Variants in COL4A3 observed in about 807,000 individuals in gnomAD.
The protein encoded by COL4A3 is collagen alpha-3(IV) chain.
Under a neutral mutation model 217.4 loss-of-function variants are expected in COL4A3, and 135 were observed. That is an observed-to-expected ratio of 0.62 (90% confidence interval 0.54 to 0.72). The LOEUF (loss-of-function observed/expected upper bound fraction) is 0.72. COL4A3 is among the 30% of genes least tolerant of loss of function. COL4A3 has a pLI of 0.00. For synonymous variants in COL4A3, 690 were observed against 736.3 expected (o/e 0.94, Z 1.02); for missense variants, 1,868 against 2,119.9 (o/e 0.88, Z 2.33).
chr2:227,241,047 G>A (rs2068989853), intron 3 of COL4A3, among the ~76,000 whole-genome samples: 1 of 151,944 alleles, frequency 6.6e-6, no homozygotes, highest in African/African-American at 2.4e-5. Flanking sequence ...TTCCTTTGTG[G>A]GTTTCTCTTT....
At chr2:227,273,868 T>C (rs576342251) in intron 26 of COL4A3, among the ~76,000 whole-genome samples, 1 of 152,102 alleles carries the variant, frequency 6.6e-6, no homozygotes, top group South Asian at 2.1e-4. Flanking sequence ...GATTCAGGAG[T>C]GTGGCTGAAG....
At chr2:227,303,746 C>A in intron 44 of COL4A3, 113 bp from the exon 45 acceptor site, 1 of 1,039,524 alleles carries the variant, frequency 9.6e-7, no homozygotes, top group Non-Finnish European at 1.5e-6. Context: ...ACCCATAGGA[C>A]AGAGCCTCCA....
intron 1 of COL4A3, chr2:227,221,125 G>A (rs1011084275): frequency 6.6e-6 from 1 of 152,172 alleles, no homozygotes; most frequent in African/African-American, 2.4e-5. Flanking sequence ...CCAGCACAAA[G>A]GAATTATCAA....
chr2:227,263,020 A>G (rs1329469960), intron 20 of COL4A3, among the ~76,000 whole-genome samples: 2 of 152,250 alleles, frequency 1.3e-5, no homozygotes, highest in Non-Finnish European at 2.9e-5. Flanking sequence ...TACACTACAC[A>G]TTTGATACAT....
rs2072861220 is a variant in COL4A3 at position 227,293,254 on chromosome 2, G to A, written c.3274G>A (p.Gly1092Arg). 1 of 1,613,772 alleles carries A rather than the reference G, an allele frequency of 6.2e-7. No homozygotes were observed. Among genetic ancestry groups the A allele is most frequent in the African/African-American group, 1.3e-5 (1 of 74,914 alleles). Residue 1092 changes from glycine to arginine, a missense_variant, in exon 38 of 52, where the codon GGA (glycine) becomes AGA (arginine). Gly to Arg is a moderately radical substitution (Grantham distance 125). Around this residue, in one of 2 missense-constraint regions of COL4A3, gnomAD observed 1,503 missense variants for 1,786.1 expected, o/e 0.84. Coordinates refer to ENST00000396578, the MANE Select transcript of COL4A3 (RefSeq NM_000091.5). ...AGAAATGGGGCAACCTGGCCCACCT[G>A]GACATTTGGGGCCTGCTGGACCTGA... ...KGEMGQPGPPGHLGPAGPEGA... is the reference protein window; with the variant it reads ...KGEMGQPGPPRHLGPAGPEGA...
In COL4A3 at chr2:227,256,040, A is replaced by G. The variant is rs948051529; in HGVS notation, c.903A>G (p.Lys301=). The G allele has an allele frequency of 6.2e-7, 1 of 1,613,966 alleles. No individual in the cohort carries two copies. The highest frequency in any genetic ancestry group is 1.3e-5 in the African/African-American group (1 of 75,046). The change falls in exon 16 of 52, where the codon AAA becomes AAG. Residue 301 remains lysine, a synonymous_variant. Transcript: ENST00000396578. The part of the protein sequence containing the change: ...GDPGLQGKPG[K]DGVPGFPGSE... ...TTTTGCTGTAGGGAAAACCCGGAAA[A>G]GATGGTGTTCCTGGCTTCCCTGGAA...
intron 1 of COL4A3, among the ~76,000 whole-genome samples, chr2:227,197,987 C>T (rs565829389): frequency 1.3e-5 from 2 of 152,322 alleles, no homozygotes; most frequent in African/African-American, 4.8e-5. Flanking sequence ...CTTCTCCTGC[C>T]TTCTCTGTAA....
chr2:227,311,443 G>A (rs894283994), intron 51 of COL4A3, among the ~76,000 whole-genome samples: 39 of 150,890 alleles, frequency 2.6e-4, no homozygotes, highest in African/African-American at 9.3e-4. Context: ...GCAGTGGCGC[G>A]ACCTGGGCTC....
chr2:227,254,194 A>G lies in COL4A3; in HGVS notation c.828+20A>G, dbSNP rs13386404. 74,139 of 1,603,438 alleles carry G rather than the reference A, an allele frequency of 0.046. 5,152 individuals are homozygous for G. The highest frequency in any genetic ancestry group is 0.33 in the African/African-American group (24,422 of 74,430). On this transcript the variant is annotated intron_variant, in intron 14 of 51. Transcript: ENST00000396578. ...CCCTCAGTAGGTTATTTAAAGTTAT[A>G]TTGTCCCCATAACACATAAAGTAGA...
intron 33 of COL4A3, among the ~76,000 whole-genome samples, 176 bp from the exon 34 acceptor site, chr2:227,284,035 C>T (rs1467690359): frequency 6.6e-6 from 1 of 152,244 alleles, no homozygotes; most frequent in Non-Finnish European, 1.5e-5. Flanking sequence ...TTTCTGTAGG[C>T]TTACACCACT....
chr2:227,303,243 G>C, intron 44 of COL4A3, 133 bp downstream of exon 44: 3 of 739,946 alleles, frequency 4.1e-6, no homozygotes, highest in Non-Finnish European at 7.3e-6. Flanking sequence ...AGTGAAGTAG[G>C]AAGGCTCCAC....
At chr2:227,264,019 C>T in intron 21 of COL4A3, 75 bp downstream of exon 21, 2 of 1,530,068 alleles carry the variant, frequency 1.3e-6, no homozygotes, top group Non-Finnish European at 9.1e-7. Flanking sequence ...GGCAACAAAC[C>T]CTCCTCACAG....
In COL4A3 at chr2:227,259,878, G is replaced by A. The variant is rs1286895614; in HGVS notation, c.1114+1G>A. ...CCCAGAGGAGCTCGTGGCCCACAAGGTAAGAATAAATTTCTTCCTAAAGCA... is the reference window on the plus strand; with the variant it reads ...CCCAGAGGAGCTCGTGGCCCACAAGATAAGAATAAATTTCTTCCTAAAGCA... On this transcript the variant is annotated splice_donor_variant, in intron 19 of 51. Coordinates refer to ENST00000396578, the MANE Select transcript of COL4A3 (RefSeq NM_000091.5). LOFTEE classifies it high-confidence loss of function. 3 of 1,610,442 alleles carry A rather than the reference G, an allele frequency of 1.9e-6. No homozygotes were observed. Among genetic ancestry groups the A allele is most frequent in the Non-Finnish European group, 2.5e-6 (3 of 1,176,574 alleles).
chr2:227,271,987 A>C (rs1262457107), intron 25 of COL4A3, among the ~76,000 whole-genome samples: 2 of 152,242 alleles, frequency 1.3e-5, no homozygotes, highest in African/African-American at 2.4e-5. Flanking sequence ...CAGACCCTTT[A>C]ATATCAGAAT....
rs572891337 is a variant in COL4A3 at position 227,262,102 on chromosome 2, CTATAAG to C, written c.1150+990_1150+995del. 3.4e-3 allele frequency among the ~76,000 whole-genome samples: 524 copies of C among 152,094 alleles called. 5 individuals are homozygous for C. Among genetic ancestry groups the C allele is most frequent in the African/African-American group, 0.012 (484 of 41,470 alleles). The stretch of plus-strand genomic sequence containing the variant: ...AATCAAAATAAAGCAGACTGCAGAA[CTATAAG>C]TATACTATAATTTCACTATTAAAAA... On this transcript the variant is annotated intron_variant, in intron 20 of 51. Transcript: ENST00000396578.
chr2:227,182,736 C>G (rs1396091991), intron 1 of COL4A3, among the ~76,000 whole-genome samples: 1 of 152,186 alleles, frequency 6.6e-6, no homozygotes, highest in Admixed American at 6.5e-5. Context: ...AAGGCCTTAA[C>G]ACCCACAATT....
intron 1 of COL4A3, among the ~76,000 whole-genome samples, chr2:227,233,650 T>C (rs1478564186): frequency 1.3e-5 from 2 of 152,154 alleles, no homozygotes; most frequent in South Asian, 4.1e-4. Flanking sequence ...CCACTAAAAG[T>C]TCAAGACCCA....
chr2:227,240,289 A>AC (rs2068947818), intron 3 of COL4A3, 57 bp downstream of exon 3: 1 of 1,482,746 alleles, frequency 6.7e-7, no homozygotes, highest in Non-Finnish European at 9.3e-7. Flanking sequence ...CTTCCTGCCT[A>AC]CCCCCTGGCT....
rs766113758 is a variant in COL4A3 at position 227,297,810 on chromosome 2, C to G, written c.3702C>G (p.Ile1234Met). Residue 1234 changes from isoleucine to methionine, a missense_variant, in exon 42 of 52, where the codon ATC becomes ATG. Around this residue, in one of 2 missense-constraint regions of COL4A3, gnomAD observed 1,503 missense variants for 1,786.1 expected, o/e 0.84. Transcript: ENST00000396578. ...CACCAGGTCTGCCCGGTGCAATTAT[C>G]CCTGGCCAGACAGGAAATCGTGGTC... ...PGPPGLPGAIIPGQTGNRGPP... is the reference protein window; with the variant it reads ...PGPPGLPGAIMPGQTGNRGPP... 6.4e-7 allele frequency: 1 copy of G among 1,570,398 alleles called. No homozygotes were observed. Among genetic ancestry groups the G allele is most frequent in the Middle Eastern group, 1.7e-4 (1 of 6,004 alleles).
Sources: gnomAD v4.1 joint callset for allele counts (sites outside exome capture counted in the v4.1 genomes callset) on GRCh38, gnomAD v4.1.1 for gene constraint, gnomAD v4.1.1 regional missense constraint, MANE v1.5 for transcripts, NCBI Gene and HGNC (gene_info 2026-07-23, HGNC 2026-07-21) for gene names.